Variants in PVR observed in about 807,000 individuals in gnomAD.
The protein encoded by PVR is PVR cell adhesion molecule, also known as poliovirus receptor.
PVR carries 39 observed loss-of-function variants against 43.3 expected under a neutral mutation model. The ratio of observed to expected loss-of-function variants is 0.90; its 90% CI spans 0.70 to 1.18. The LOEUF (loss-of-function observed/expected upper bound fraction) is 1.18, where lower values mean the gene tolerates loss of function less well. PVR is among the 50% of genes most tolerant of loss of function. PVR has a pLI of 0.00. For missense variants in PVR, 480 were observed against 549.7 expected (o/e 0.87, Z 1.27); for synonymous variants, 224 against 233.2 (o/e 0.96, Z 0.36).
Position 44,645,406 on chromosome 19 carries a change from ATG to A in PVR, c.79+1233_79+1234del, listed in dbSNP as rs1973082383. Among the ~76,000 whole-genome samples the A allele has an allele frequency of 1.5e-3, 93 of 61,248 alleles. 1 individual carries two copies. The highest frequency in any genetic ancestry group is 7.9e-3 in the African/African-American group (88 of 11,176). 40.2% of individuals were successfully genotyped at this position (61,248 alleles called of 152,430 possible). On this transcript the variant is annotated intron_variant, in intron 1 of 7. Transcript: ENST00000425690. ...ATAACATATTTTATTATTTATTTAT[ATG>A]TTTTGTGTATATATATATATATATA...
In PVR at chr19:44,649,988, A is replaced by C. The variant is rs1599762549; in HGVS notation, c.607A>C (p.Thr203Pro). Residue 203 changes from threonine to proline, a missense_variant, in exon 3 of 8, where the codon ACC (threonine) becomes CCC (proline). Thr to Pro is a conservative substitution (Grantham distance 38, BLOSUM62 -1). Transcript: ENST00000425690. The stretch of plus-strand genomic sequence containing the variant: ...GTTCCTGTCTGGCACAGTCACTGTC[A>C]CCAGCCTCTGGATATTGGTGCCCTC... ...PGFLSGTVTV[T>P]SLWILVPSSQ... 2 of 1,607,152 alleles carry C rather than the reference A, an allele frequency of 1.2e-6. No homozygotes were observed. The highest frequency in any genetic ancestry group is 4.5e-5 in the East Asian group (2 of 44,732).
intron 4 of PVR, 58 bp downstream of exon 4, chr19:44,654,075 A>G: frequency 7.6e-7 from 1 of 1,308,776 alleles, no homozygotes. Context: ...GCACTGAGGG[A>G]GGAGGGGCTG....
chr19:44,660,331 C>G (rs1210502357), intron 6 of PVR, among the ~76,000 whole-genome samples: 1 of 152,152 alleles, frequency 6.6e-6, no homozygotes, highest in Admixed American at 6.6e-5. Context: ...ATAGCTTAAG[C>G]TGTATGACTC....
rs540144767 is a variant in PVR, at chr19:44,657,821, C to A, written c.902C>A (p.Pro301His). The A allele has an allele frequency of 1.2e-6, 2 of 1,614,078 alleles. No individual in the cohort carries two copies. The highest frequency in any genetic ancestry group is 2.7e-5 in the African/African-American group (2 of 75,034). ...VAQGAQLLIR[P>H]VDKPINTTLI... is the part of the protein sequence containing the mutation. ...CAGGGCGCCCAGCTCCTGATCCGTC[C>A]TGTGGACAAACCAATCAACACAACT... The change falls in exon 5 of 8, where the codon CCT (proline) becomes CAT (histidine). Residue 301 changes from proline (P) to histidine (H), a missense_variant. Coordinates refer to ENST00000425690, the MANE Select transcript of PVR (RefSeq NM_006505.5).
chr19:44,657,628 T>TG, intron 4 of PVR, 134 bp from the exon 5 acceptor site: 1 of 789,706 alleles, frequency 1.3e-6, no homozygotes, highest in Non-Finnish European at 2.0e-6. Context: ...AGGGAAGAGT[T>TG]GGGGGGCCTC....
chr19:44,648,881 C>A (rs1417629593), intron 2 of PVR, among the ~76,000 whole-genome samples: 1 of 152,078 alleles, frequency 6.6e-6, no homozygotes, highest in Non-Finnish European at 1.5e-5. Context: ...AAGGAGAAAT[C>A]TTCGGTAAAT....
intron 1 of PVR, among the ~76,000 whole-genome samples, 197 bp downstream of exon 1, chr19:44,644,372 G>A (rs980374819): frequency 6.6e-6 from 1 of 152,212 alleles, no homozygotes; most frequent in Admixed American, 6.5e-5. Flanking sequence ...CCCGGAGAGC[G>A]GTCGGAGTTG....
intron 2 of PVR, 145 bp downstream of exon 2, chr19:44,647,715 C>A: frequency 2.1e-5 from 3 of 139,782 alleles, no homozygotes; most frequent in East Asian, 1.5e-4. Context: ...GGGGGCAGCG[C>A]AATGATGTGG....
intron 2 of PVR, among the ~76,000 whole-genome samples, chr19:44,648,045 C>T (rs1176341060): frequency 6.6e-6 from 1 of 152,096 alleles, no homozygotes; most frequent in Non-Finnish European, 1.5e-5. Flanking sequence ...AGAACCGGGG[C>T]TATTTTGATC....
chr19:44,661,180 TA>T, intron 6 of PVR, 111 bp from the exon 7 acceptor site: 1 of 975,796 alleles, frequency 1.0e-6, no homozygotes, highest in Non-Finnish European at 1.6e-6. Context: ...CACCCCCATG[TA>T]ATAGCAGAGG....
In PVR at chr19:44,645,415, G is replaced by GTGTATATATA. The variant is rs1255385112; in HGVS notation, c.79+1241_79+1242insGTATATATAT. The stretch of plus-strand genomic sequence containing the variant: ...TTTATTATTTATTTATATGTTTTGT[G>GTGTATATATA]TATATATATATATATATATATATAT... On this transcript the variant is annotated intron_variant, in intron 1 of 7. Transcript: ENST00000425690. 7.5e-4 allele frequency among the ~76,000 whole-genome samples: 63 copies of GTGTATATATA among 83,812 alleles called. No individual in the cohort carries two copies. The South Asian group carries it at 0.014, about 18-fold the overall frequency. 55.0% of individuals were successfully genotyped at this position (83,812 alleles called of 152,430 possible).
At position 44,661,832 on chromosome 19, in the gene PVR, G is replaced by C. The variant is rs758654447; in HGVS notation, c.*21G>C. Reference sequence around the variant, plus strand: ...GGTGACAGCGTCGGGACTGAGAGGGGAGAGAGACTGGAGCTGGCAAGGACG... The same window carrying C: ...GGTGACAGCGTCGGGACTGAGAGGGCAGAGAGACTGGAGCTGGCAAGGACG... On this transcript the variant is annotated 3_prime_UTR_variant, in exon 8 of 8. Coordinates refer to ENST00000425690, the MANE Select transcript of PVR (RefSeq NM_006505.5). The C allele has an allele frequency of 3.7e-6, 6 of 1,611,250 alleles. No individual in the cohort carries two copies. The highest frequency in any genetic ancestry group is 5.1e-6 in the Non-Finnish European group (6 of 1,177,964).
Position 44,659,728 on chromosome 19 carries a change from C to T in PVR, c.1150+828C>T, listed in dbSNP as rs569101764. Among the ~76,000 whole-genome samples the T allele has an allele frequency of 3.3e-5, 5 of 152,184 alleles. No individual in the cohort carries two copies. In the East Asian group the frequency reaches 5.8e-4, roughly 18 times the overall value. On this transcript the variant is annotated intron_variant, in intron 6 of 7. Coordinates refer to ENST00000425690, the MANE Select transcript of PVR (RefSeq NM_006505.5). ...AACCCCTGGTCTCCTGTGATCCACC[C>T]GCCTCAGCCTCCCAAAGTGCTGGGA... is the stretch of plus-strand genomic sequence containing the variant.
chr19:44,647,133 T>C, intron 1 of PVR, 90 bp from the exon 2 acceptor site: 1 of 715,000 alleles, frequency 1.4e-6, no homozygotes, highest in Non-Finnish European at 2.0e-6. Context: ...AGCGTGCAAG[T>C]GCACGCCCAG....
At chr19:44,660,468 C>A (rs561411038) in intron 6 of PVR, among the ~76,000 whole-genome samples, 1 of 152,234 alleles carries the variant, frequency 6.6e-6, no homozygotes, top group Non-Finnish European at 1.5e-5. Flanking sequence ...GCTATTATTA[C>A]TATTATTGTT....
At chr19:44,658,539 A>G (rs1159814431) in intron 5 of PVR, among the ~76,000 whole-genome samples, 1 of 152,214 alleles carries the variant, frequency 6.6e-6, no homozygotes, top group Non-Finnish European at 1.5e-5. Flanking sequence ...CATAGCAGCC[A>G]GGGAGAATGG....
rs1322334840 is a variant in PVR at position 44,658,807 on chromosome 19, C to CT, written c.1058dup (p.Val354GlyfsTer20). On this transcript the variant is annotated frameshift_variant, in exon 6 of 8. Coordinates refer to ENST00000425690, the MANE Select transcript of PVR (RefSeq NM_006505.5). LOFTEE classifies it high-confidence loss of function. ...CATCATCTTCCTGGTTCTGGGAATC[C>CT]TGGTTTTTCTGATCCTGCTGGGGAT... 3 of 1,613,750 alleles carry CT rather than the reference C, an allele frequency of 1.9e-6. No individual in the cohort carries two copies. Among genetic ancestry groups the CT allele is most frequent in the Non-Finnish European group, 2.5e-6 (3 of 1,179,750 alleles).
In PVR at chr19:44,653,881, CTG is replaced by C. The variant is rs1368897305; in HGVS notation, c.725-17_725-16del. 7.0e-6 allele frequency: 11 copies of C among 1,565,532 alleles called. No homozygotes were observed. Among genetic ancestry groups the C allele is most frequent in the African/African-American group, 1.4e-5 (1 of 73,952 alleles). ...CCAAAGCCTCCCAGTCTCTGAACCTCTGTATCCATTTCCTGCAGACCCCCCAG... is the reference window on the plus strand; with the variant it reads ...CCAAAGCCTCCCAGTCTCTGAACCTCTATCCATTTCCTGCAGACCCCCCAG... On this transcript the variant is annotated splice_polypyrimidine_tract_variant and intron_variant, in intron 3 of 7. Transcript: ENST00000425690.
In PVR at chr19:44,648,013, T is replaced by G. The variant is rs151215347; in HGVS notation, c.427+443T>G. On this transcript the variant is annotated intron_variant, in intron 2 of 7. Transcript: ENST00000425690. The stretch of plus-strand genomic sequence containing the variant: ...CTAGGAAAGAGTCTGTCTGCCCCCT[T>G]GGACTGTGTACCCATGAGGGCAGAA... Among the ~76,000 whole-genome samples, 746 of 152,260 alleles carry G rather than the reference T, an allele frequency of 4.9e-3. 18 individuals carry two copies. Among genetic ancestry groups the G allele is most frequent in the Admixed American group, 0.04 (606 of 15,298 alleles).
Sources: allele counts gnomAD v4.1 joint callset (sites outside exome capture counted in the v4.1 genomes callset), GRCh38; gene constraint gnomAD v4.1.1; transcripts MANE v1.5; gene names NCBI Gene and HGNC (gene_info 2026-07-23, HGNC 2026-07-21).